RIMKLA: variants seen among roughly 807,000 people sequenced by gnomAD.
RIMKLA encodes N-acetylaspartylglutamate synthase A.
RIMKLA carries 14 observed loss-of-function variants against 32.7 expected under a neutral mutation model. The observed-to-expected ratio is 0.43, with a 90% CI of 0.28 to 0.67. The LOEUF (loss-of-function observed/expected upper bound fraction) is 0.67. Among genes scored for constraint, RIMKLA ranks in the 30% least tolerant of loss-of-function variants. The pLI, the probability that RIMKLA is intolerant of heterozygous loss-of-function variation, is 0.18. For synonymous variants in RIMKLA, 176 were observed against 204.1 expected (o/e 0.86, Z 1.18); for missense variants, 410 against 519.0 (o/e 0.79, Z 2.04).
chr1:42,385,858 C>CTTTA (rs55688755), intron 1 of RIMKLA, among the ~76,000 whole-genome samples: 1 of 62,382 alleles, frequency 1.6e-5, no homozygotes, highest in African/African-American at 5.8e-5. Flanking sequence ...TTCTTTCTTT[C>CTTTA]TTTCTTTCTT....
intron 1 of RIMKLA, among the ~76,000 whole-genome samples, chr1:42,389,277 G>C (rs1642976517): frequency 6.6e-6 from 1 of 152,178 alleles, no homozygotes; most frequent in Non-Finnish European, 1.5e-5. Flanking sequence ...TGGGATTCAG[G>C]AAAAAGGCTT....
In RIMKLA at chr1:42,415,048, C is replaced by T; in HGVS notation, c.*74C>T. The T allele has an allele frequency of 1.4e-6, 2 of 1,427,220 alleles. No homozygotes were observed. The highest frequency in any genetic ancestry group is 1.9e-6 in the Non-Finnish European group (2 of 1,063,082). The allele number at this position is 1,427,220 out of a possible 1,614,324, so 88.4% of individuals were successfully genotyped here. ...TAGTTTTGAGTGAATAAAATCTGGA[C>T]TAATGTGATTTCATTTGCACAGAAA... On this transcript the variant is annotated 3_prime_UTR_variant, in exon 5 of 5. Transcript: ENST00000431473.
chr1:42,396,236 CAAAAAA>C (rs11363612), intron 1 of RIMKLA, among the ~76,000 whole-genome samples: 14 of 60,910 alleles, frequency 2.3e-4, no homozygotes, highest in South Asian at 1.9e-3. Context: ...AACTCCATCT[CAAAAAA>C]AAAAAAAAAA....
intron 3 of RIMKLA, among the ~76,000 whole-genome samples, chr1:42,408,480 C>T (rs1324915108): frequency 6.6e-6 from 1 of 152,142 alleles, no homozygotes; most frequent in African/African-American, 2.4e-5. Context: ...AGTTCAATGG[C>T]GCGATCTTGG....
intron 1 of RIMKLA, among the ~76,000 whole-genome samples, chr1:42,397,248 G>A (rs149712913): frequency 6.6e-5 from 10 of 152,228 alleles, no homozygotes; most frequent in African/African-American, 1.4e-4. Context: ...TGGGTGTTTT[G>A]TTTTTCATCT....
At chr1:42,381,161 G>T in intron 1 of RIMKLA, 64 bp downstream of exon 1, 1 of 1,194,374 alleles carries the variant, frequency 8.4e-7, no homozygotes, top group African/African-American at 1.6e-5. Flanking sequence ...CCGGTCGGGT[G>T]GGCGCGCTCG....
intron 1 of RIMKLA, among the ~76,000 whole-genome samples, chr1:42,386,875 C>A (rs1642953165): frequency 1.3e-5 from 1 of 76,830 alleles, no homozygotes; most frequent in Non-Finnish European, 2.6e-5. Context: ...ACACAGACTC[C>A]ATCTCAAATA....
chr1:42,388,037 C>T (rs1243180414), intron 1 of RIMKLA, among the ~76,000 whole-genome samples: 2 of 151,872 alleles, frequency 1.3e-5, no homozygotes, highest in East Asian at 3.9e-4. Context: ...GTAGTTTAGG[C>T]AACAGGGAAT....
intron 1 of RIMKLA, among the ~76,000 whole-genome samples, chr1:42,384,007 T>C (rs556598390): frequency 6.6e-6 from 1 of 152,318 alleles, no homozygotes; most frequent in South Asian, 2.1e-4. Flanking sequence ...TTCACTCCTT[T>C]CCATTGCTTC....
Position 42,381,040 on chromosome 1 carries a change from C to A in RIMKLA, c.106C>A (p.Arg36Ser), listed in dbSNP as rs1642882500. 6 of 1,339,358 alleles carry A rather than the reference C, an allele frequency of 4.5e-6. No homozygotes were observed. The highest frequency in any genetic ancestry group is 6.2e-5 in the East Asian group (2 of 32,216). 83.0% of individuals were successfully genotyped at this position (1,339,358 alleles called of 1,614,324 possible). Residue 36 changes from arginine (R) to serine (S), a missense_variant, in exon 1 of 5, where the codon CGC (arginine) becomes AGC (serine). Arg to Ser is a moderately radical substitution (Grantham distance 110, BLOSUM62 -1). Transcript: ENST00000431473. ...GCAGCGCTGCTCCGAGCAGGACGTG[C>A]GCTTCCGGGCGGTGCTTATGGACCA... ...LRQRCSEQDV[R>S]FRAVLMDQIA...
intron 4 of RIMKLA, among the ~76,000 whole-genome samples, chr1:42,411,169 A>T (rs951497886): frequency 3.3e-5 from 5 of 150,696 alleles, no homozygotes; most frequent in African/African-American, 1.2e-4. Flanking sequence ...ATCTCTACAA[A>T]TTTTTTTTTT....
chr1:42,413,701 T>G (rs1643221909), intron 4 of RIMKLA, among the ~76,000 whole-genome samples: 1 of 151,590 alleles, frequency 6.6e-6, no homozygotes, highest in Admixed American at 6.6e-5. Flanking sequence ...TTTAATCCCC[T>G]GTTTTCCCAT....
chr1:42,410,008 A>G lies in RIMKLA; in HGVS notation c.506A>G (p.Asp169Gly), dbSNP rs1276580983. 6.2e-7 allele frequency: 1 copy of G among 1,613,968 alleles called. No homozygotes were observed. Among genetic ancestry groups the G allele is most frequent in the Non-Finnish European group, 8.5e-7 (1 of 1,180,014 alleles). The change falls in exon 4 of 5, where the codon GAT becomes GGT. Residue 169 changes from aspartate to glycine, a missense_variant. Asp to Gly is a moderately conservative substitution (Grantham distance 94). Transcript: ENST00000431473. ...GGAAAAGCTGTTTTTCTGGCAAGAGATAAACATCACCTCTCTGACATCTGC... is the reference window on the plus strand; with the variant it reads ...GGAAAAGCTGTTTTTCTGGCAAGAGGTAAACATCACCTCTCTGACATCTGC... ...HRGKAVFLAR[D>G]KHHLSDICHL...
Position 42,419,352 on chromosome 1 carries a change from T to C in RIMKLA, c.*4378T>C, listed in dbSNP as rs1039230511. ...GGTAATTTTGCTGTGAGGTTCATGT[T>C]CTCTGGGGCTCCAGGGCAACACTAA... On this transcript the variant is annotated 3_prime_UTR_variant, in exon 5 of 5. Transcript: ENST00000431473. The C allele has an allele frequency of 2.0e-5, 3 of 152,290 alleles. No homozygotes were observed. Among genetic ancestry groups the C allele is most frequent in the Non-Finnish European group, 2.9e-5 (2 of 68,106 alleles). 9.4% of individuals were successfully genotyped at this position (152,290 alleles called of 1,614,324 possible). A position where few individuals can be genotyped will look rare whatever the true frequency, so the allele number is the denominator to read the frequency against.
chr1:42,397,413 C>A (rs1643056770), intron 1 of RIMKLA, among the ~76,000 whole-genome samples: 1 of 152,186 alleles, frequency 6.6e-6, no homozygotes, highest in Admixed American at 6.5e-5. Flanking sequence ...TAAAATATCT[C>A]TGTAGACTGT....
At chr1:42,402,833 C>T (rs1341539531) in intron 2 of RIMKLA, among the ~76,000 whole-genome samples, 2 of 152,038 alleles carry the variant, frequency 1.3e-5, no homozygotes, top group South Asian at 4.1e-4. Flanking sequence ...TCAGGCAGTC[C>T]GCCCACCTCG....
intron 3 of RIMKLA, among the ~76,000 whole-genome samples, chr1:42,407,626 G>T (rs1363022923): frequency 6.6e-6 from 1 of 152,102 alleles, no homozygotes; most frequent in Non-Finnish European, 1.5e-5. Flanking sequence ...TCAAAAATCA[G>T]CTCACCATGT....
chr1:42,409,557 G>T (rs1376458467), intron 3 of RIMKLA, among the ~76,000 whole-genome samples: 1 of 152,150 alleles, frequency 6.6e-6, no homozygotes, highest in Non-Finnish European at 1.5e-5. Flanking sequence ...ACATTAATTG[G>T]CATCTGCCCT....
intron 3 of RIMKLA, among the ~76,000 whole-genome samples, chr1:42,409,279 A>G (rs952446872): frequency 2.7e-4 from 41 of 152,034 alleles, no homozygotes; most frequent in African/African-American, 9.9e-4. Flanking sequence ...AACAGAAAAT[A>G]AAGAATTTAG....
Sources: allele counts gnomAD v4.1 joint callset (sites outside exome capture counted in the v4.1 genomes callset), GRCh38; gene constraint gnomAD v4.1.1; transcripts MANE v1.5; gene names NCBI Gene and HGNC (gene_info 2026-07-23, HGNC 2026-07-21).